The following TMEM132C variants were observed in gnomAD, a reference collection of about 807,000 sequenced individuals.
The protein encoded by TMEM132C is transmembrane protein 132C, also known as protein phosphatase 1, regulatory subunit 152.
A neutral mutation model predicts 61.4 loss-of-function variants in TMEM132C; 29 were observed. The ratio of observed to expected loss-of-function variants is 0.47; its 90% CI spans 0.35 to 0.64. TMEM132C has a LOEUF of 0.64. TMEM132C is among the 30% of genes least tolerant of loss of function. TMEM132C has a pLI of 0.00. For synonymous variants in TMEM132C, 656 were observed against 633.1 expected, an observed-to-expected ratio of 1.04 and a Z score of -0.54; for missense variants, 1,408 against 1,476.9, an observed-to-expected ratio of 0.95 and a Z score of 0.76.
chr12:128,460,311 C>T (rs920145194), intron 2 of TMEM132C, among the ~76,000 whole-genome samples: 32 of 152,200 alleles, frequency 2.1e-4, no homozygotes, highest in Admixed American at 2.0e-3. Flanking sequence ...CTCACCCCTG[C>T]TTTCTTCTGT....
At chr12:128,578,381 C>T (rs577977728) in intron 3 of TMEM132C, among the ~76,000 whole-genome samples, 18 of 152,308 alleles carry the variant, frequency 1.2e-4, no homozygotes, top group Admixed American at 4.6e-4. Context: ...CCCTCACCTC[C>T]GTCTGAGCTC....
chr12:128,295,208 G>C (rs544747143), intron 1 of TMEM132C, among the ~76,000 whole-genome samples: 1 of 152,080 alleles, frequency 6.6e-6, no homozygotes, highest in East Asian at 1.9e-4. Context: ...GTCTTGCTCT[G>C]TTGCCCAGGC....
intron 3 of TMEM132C, among the ~76,000 whole-genome samples, chr12:128,604,531 A>AAGATAGAT (rs149657261): frequency 1.1e-4 from 16 of 149,430 alleles, no homozygotes; most frequent in East Asian, 9.9e-4. Flanking sequence ...TAATGGATGG[A>AAGATAGAT]AGATAGATAG....
chr12:128,405,627 A>G (rs1250138102), intron 1 of TMEM132C, among the ~76,000 whole-genome samples: 2 of 152,234 alleles, frequency 1.3e-5, no homozygotes, highest in African/African-American at 4.8e-5. Flanking sequence ...CAGGCAGCAA[A>G]TAGGGGATGT....
intron 1 of TMEM132C, among the ~76,000 whole-genome samples, chr12:128,295,198 G>T (rs1871368296): frequency 6.6e-6 from 1 of 152,102 alleles, no homozygotes; most frequent in African/African-American, 2.4e-5. Flanking sequence ...TTGAGACAGG[G>T]TCTTGCTCTG....
chr12:128,518,753 T>TG lies in TMEM132C; in HGVS notation c.975-25203dup, dbSNP rs1298507893. On this transcript the variant is annotated intron_variant, in intron 2 of 8. Transcript: ENST00000435159. ...GTGTGCATGTGTGTGCGTGTGTGTGTGTGGTGTGTGTGTGTGTGTGTATGC... is the reference window on the plus strand; with the variant it reads ...GTGTGCATGTGTGTGCGTGTGTGTGTGGTGGTGTGTGTGTGTGTGTGTATGC... 2.5e-4 allele frequency among the ~76,000 whole-genome samples: 38 copies of TG among 152,100 alleles called. 1 individual carries two copies. Among genetic ancestry groups the TG allele is most frequent in the African/African-American group, 8.9e-4 (37 of 41,492 alleles).
At chr12:128,307,116 C>T (rs969068361) in intron 1 of TMEM132C, among the ~76,000 whole-genome samples, 1 of 151,968 alleles carries the variant, frequency 6.6e-6, no homozygotes, top group Non-Finnish European at 1.5e-5. Flanking sequence ...GTTCAGTTTC[C>T]CAGGGTTGGT....
At position 128,705,755 on chromosome 12, in the gene TMEM132C, C is replaced by A; in HGVS notation, c.2787C>A (p.Ala929=). The change falls in exon 9 of 9, where the codon GCC becomes GCA. Residue 929 remains alanine, a synonymous_variant. Coordinates refer to ENST00000435159, the MANE Select transcript of TMEM132C (RefSeq NM_001136103.3). ...GLSDLEIGMY[A]LLGVFCLAIL... is the part of the protein sequence containing the mutation. ...GTGATCTGGAGATAGGGATGTACGC[C>A]CTCCTGGGGGTGTTCTGCCTGGCCA... The A allele has an allele frequency of 6.4e-7, 1 of 1,551,456 alleles. No homozygotes were observed. The highest frequency in any genetic ancestry group is 8.7e-7 in the Non-Finnish European group (1 of 1,147,000).
In TMEM132C at chr12:128,706,452, G is replaced by A; in HGVS notation, c.*157G>A. The A allele has an allele frequency of 6.0e-6, 6 of 992,180 alleles. No homozygotes were observed. Among genetic ancestry groups the A allele is most frequent in the South Asian group, 5.1e-5 (2 of 39,178 alleles). 61.5% of individuals were successfully genotyped at this position (992,180 alleles called of 1,614,324 possible). ...TTTGAAGTCAGGAAAAGACGTTTTTGTATCAAGGGATTTTTAGCAGTTAAT... is the reference window on the plus strand; with the variant it reads ...TTTGAAGTCAGGAAAAGACGTTTTTATATCAAGGGATTTTTAGCAGTTAAT... On this transcript the variant is annotated 3_prime_UTR_variant, in exon 9 of 9. Coordinates refer to ENST00000435159, the MANE Select transcript of TMEM132C (RefSeq NM_001136103.3).
At chr12:128,305,662 G>C (rs1201608984) in intron 1 of TMEM132C, among the ~76,000 whole-genome samples, 1 of 151,754 alleles carries the variant, frequency 6.6e-6, no homozygotes, top group African/African-American at 2.4e-5. Flanking sequence ...GAATTGGCTC[G>C]TGATTAAAAA....
At chr12:128,465,755 A>C (rs1870710382) in intron 2 of TMEM132C, among the ~76,000 whole-genome samples, 1 of 152,258 alleles carries the variant, frequency 6.6e-6, no homozygotes, top group South Asian at 2.1e-4. Context: ...GGGTGGCAGT[A>C]AGCATGCCAC....
intron 2 of TMEM132C, among the ~76,000 whole-genome samples, chr12:128,539,542 C>T (rs1030066161): frequency 1.3e-5 from 2 of 152,122 alleles, no homozygotes; most frequent in Non-Finnish European, 2.9e-5. Flanking sequence ...CACTTAAACC[C>T]GAGAGGCAGA....
chr12:128,547,492 A>G (rs1409401062), intron 3 of TMEM132C, among the ~76,000 whole-genome samples: 15 of 147,096 alleles, frequency 1.0e-4, no homozygotes, highest in Admixed American at 3.5e-4. Context: ...TGAACCCGGG[A>G]GGCGGAGCTT....
chr12:128,434,899 G>T (rs1476489068), intron 2 of TMEM132C, among the ~76,000 whole-genome samples: 1 of 152,120 alleles, frequency 6.6e-6, no homozygotes, highest in African/African-American at 2.4e-5. Context: ...TGGGATTGCA[G>T]GTGTGAGCCA....
chr12:128,308,866 T>C (rs948685847), intron 1 of TMEM132C, among the ~76,000 whole-genome samples: 4 of 152,124 alleles, frequency 2.6e-5, no homozygotes, highest in African/African-American at 9.7e-5. Flanking sequence ...ACTAATTAGC[T>C]CTCCGGTTCA....
chr12:128,620,369 T>A (rs1953952461), intron 4 of TMEM132C, among the ~76,000 whole-genome samples: 1 of 151,892 alleles, frequency 6.6e-6, no homozygotes, highest in African/African-American at 2.4e-5. Context: ...CCTGCAGGTA[T>A]ACTCTAGTGG....
intron 2 of TMEM132C, among the ~76,000 whole-genome samples, chr12:128,457,955 A>C (rs996763706): frequency 1.3e-5 from 2 of 152,152 alleles, no homozygotes; most frequent in Non-Finnish European, 2.9e-5. Flanking sequence ...GGAGTTGTCA[A>C]ATCTTTCAGT....
intron 1 of TMEM132C, among the ~76,000 whole-genome samples, chr12:128,386,813 G>A (rs992220650): frequency 7.2e-5 from 11 of 152,138 alleles, no homozygotes; most frequent in Admixed American, 2.6e-4. Context: ...TATTTGTTGA[G>A]TGAATGAAGA....
chr12:128,571,224 C>A (rs1456899460), intron 3 of TMEM132C, among the ~76,000 whole-genome samples: 1 of 152,156 alleles, frequency 6.6e-6, no homozygotes, highest in Non-Finnish European at 1.5e-5. Flanking sequence ...ACCGAATTAA[C>A]CAACCCTTAT....
Sources: allele counts gnomAD v4.1 joint callset (sites outside exome capture counted in the v4.1 genomes callset), GRCh38; gene constraint gnomAD v4.1.1; transcripts MANE v1.5; gene names NCBI Gene and HGNC (gene_info 2026-07-23, HGNC 2026-07-21).